The following SCML2 variants were observed in gnomAD, a reference collection of about 807,000 sequenced individuals.
SCML2 encodes Scm polycomb group protein like 2, also known as sex comb on midleg-like protein 2.
Under a neutral mutation model 48.4 loss-of-function variants are expected in SCML2, and 6 were observed. The ratio of observed to expected loss-of-function variants is 0.12; its 90% CI spans 0.07 to 0.24. The LOEUF (loss-of-function observed/expected upper bound fraction) is 0.24. SCML2 is among the 10% of genes least tolerant of loss of function. SCML2 has a pLI of 1.00. For synonymous variants in SCML2, 181 were observed against 189.5 expected (o/e 0.95, Z 0.37); for missense variants, 377 against 528.2 (o/e 0.71, Z 2.81).
intron 7 of SCML2, among the ~76,000 whole-genome samples, chrX:18,300,562 AG>A (rs1440815428): frequency 3.1e-4 from 34 of 111,224 alleles, no homozygotes; most frequent in African/African-American, 1.1e-3. Context: ...AGGCCAAGGC[AG>A]GTGGATCACC....
At position 18,247,824 on chromosome X, in the gene SCML2, T is replaced by C. The variant is rs199557606; in HGVS notation, c.1515A>G (p.Pro505=). The change falls in exon 12 of 15, where the codon CCA becomes CCG. Residue 505 remains proline, a synonymous_variant. Coordinates refer to ENST00000251900, the MANE Select transcript of SCML2 (RefSeq NM_006089.3). ...STKRSPQQTV[P]YVVPLSPKLP... ...GCTTAGGAGAGAGAGGAACAACATA[T>C]GGTACAGTTTGCTGAGGAGATCGTT... 236 of 1,209,486 alleles carry C rather than the reference T, an allele frequency of 2.0e-4. No homozygotes were observed. Among genetic ancestry groups the C allele is most frequent in the Admixed American group, 3.5e-4 (16 of 45,771 alleles).
At chrX:18,268,490 T>C (rs1308220471) in intron 7 of SCML2, among the ~76,000 whole-genome samples, 3 of 109,075 alleles carry the variant, frequency 2.8e-5, no homozygotes, top group South Asian at 4.1e-4. Context: ...GAATGCACCA[T>C]TGCACTCCAG....
At chrX:18,290,924 A>G (rs1216823508) in intron 7 of SCML2, among the ~76,000 whole-genome samples, 1 of 111,333 alleles carries the variant, frequency 9.0e-6, no homozygotes, top group East Asian at 2.8e-4. Flanking sequence ...ATATACTCCT[A>G]TAAGTATATA....
At chrX:18,245,840 A>G (rs1052593282) in intron 13 of SCML2, among the ~76,000 whole-genome samples, 15 of 111,858 alleles carry the variant, frequency 1.3e-4, no homozygotes, top group African/African-American at 4.9e-4. Context: ...CCCGGGTTCA[A>G]GTGATTCTCC....
intron 7 of SCML2, among the ~76,000 whole-genome samples, chrX:18,281,664 A>G (rs1321686008): frequency 1.9e-5 from 2 of 103,054 alleles, no homozygotes; most frequent in Non-Finnish European, 4.0e-5. Flanking sequence ...GTGAGCTGAG[A>G]TCGCACCACT....
intron 1 of SCML2, among the ~76,000 whole-genome samples, chrX:18,344,610 G>C (rs1930141075): frequency 9.0e-6 from 1 of 111,444 alleles, no homozygotes; most frequent in Non-Finnish European, 1.9e-5. Flanking sequence ...TAAGTCTCAG[G>C]AGATCTGATG....
chrX:18,310,576 TTTTA>T (rs1458345753), intron 6 of SCML2, among the ~76,000 whole-genome samples: 1 of 109,636 alleles, frequency 9.1e-6, no homozygotes, highest in Non-Finnish European at 1.9e-5. Context: ...TTTATATTTA[TTTTA>T]TTTATTTTTT....
chrX:18,316,112 A>T (rs140149051), intron 6 of SCML2, among the ~76,000 whole-genome samples: 1 of 112,387 alleles, frequency 8.9e-6, no homozygotes, highest in Non-Finnish European at 1.9e-5. Context: ...CAAAGGGCCA[A>T]GCACAGTGAT....
chrX:18,284,657 C>T (rs1251463838), intron 7 of SCML2, among the ~76,000 whole-genome samples: 1 of 112,428 alleles, frequency 8.9e-6, no homozygotes, highest in Non-Finnish European at 1.9e-5. Flanking sequence ...AAATGCTCAT[C>T]ATCACTAATT....
intron 7 of SCML2, among the ~76,000 whole-genome samples, chrX:18,276,479 T>C (rs1199293074): frequency 1.8e-5 from 2 of 111,253 alleles, no homozygotes; most frequent in African/African-American, 6.5e-5. Flanking sequence ...TGTATGTATG[T>C]ATTGACATAC....
intron 7 of SCML2, among the ~76,000 whole-genome samples, chrX:18,271,030 G>C (rs1368542335): frequency 9.0e-6 from 1 of 111,250 alleles, no homozygotes; most frequent in Non-Finnish European, 1.9e-5. Flanking sequence ...GATAATTATT[G>C]AATTGTGGAA....
chrX:18,243,155 C>T (rs760685366), intron 13 of SCML2, among the ~76,000 whole-genome samples: 73 of 111,431 alleles, frequency 6.6e-4, no homozygotes, highest in African/African-American at 2.0e-3. Context: ...CTCACTGCAG[C>T]GCTGACCTCC....
At position 18,304,863 on chromosome X, in the gene SCML2, G is replaced by A. The variant is rs1413099065; in HGVS notation, c.730+109C>T. 4 of 890,341 alleles carry A rather than the reference G, an allele frequency of 4.5e-6. No individual in the cohort carries two copies. The African/African-American group carries it at 6.0e-5, about 13-fold the overall frequency. The allele number at this position is 890,341 out of a possible 1,213,427, so 73.4% of individuals were successfully genotyped here. A position where few individuals can be genotyped will look rare whatever the true frequency, so the allele number is the denominator to read the frequency against. On this transcript the variant is annotated intron_variant, in intron 7 of 14. Coordinates refer to ENST00000251900, the MANE Select transcript of SCML2 (RefSeq NM_006089.3). ...CAGCGCTTTGTTCTGTCTGCCACCA[G>A]TTGGGGCATGTACCACCTGGTACCA...
intron 7 of SCML2, among the ~76,000 whole-genome samples, chrX:18,267,321 T>C (rs1433408227): frequency 9.0e-6 from 1 of 111,687 alleles, no homozygotes; most frequent in Non-Finnish European, 1.9e-5. Context: ...AGCTTTCTTC[T>C]GGCTTTGCTT....
intron 11 of SCML2, among the ~76,000 whole-genome samples, chrX:18,248,746 T>C (rs1926540473): frequency 8.9e-6 from 1 of 112,376 alleles, no homozygotes; most frequent in Non-Finnish European, 1.9e-5. Flanking sequence ...AATTAAGACA[T>C]TAAATTCTAA....
At chrX:18,248,986 G>A (rs1039344898) in intron 11 of SCML2, among the ~76,000 whole-genome samples, 3 of 111,370 alleles carry the variant, frequency 2.7e-5, no homozygotes, top group South Asian at 3.8e-4. Context: ...CTGCTTCTGC[G>A]TATTGTAGTA....
intron 6 of SCML2, among the ~76,000 whole-genome samples, chrX:18,317,555 G>A (rs953348062): frequency 8.9e-5 from 10 of 111,828 alleles, no homozygotes; most frequent in African/African-American, 2.6e-4. Flanking sequence ...AAGAAAGGCC[G>A]GGCGCGGTGG....
At chrX:18,286,795 T>A (rs1377973840) in intron 7 of SCML2, among the ~76,000 whole-genome samples, 2 of 111,415 alleles carry the variant, frequency 1.8e-5, no homozygotes, top group African/African-American at 6.5e-5. Context: ...CCTCCCTTCA[T>A]TTTCAAAGAT....
chrX:18,342,398 T>C (rs997942960), intron 1 of SCML2, among the ~76,000 whole-genome samples: 11 of 109,864 alleles, frequency 1.0e-4, no homozygotes, highest in Non-Finnish European at 2.1e-4. Flanking sequence ...GCGCCTGACA[T>C]TGAAATTTCA....
Sources: allele counts gnomAD v4.1 joint callset (sites outside exome capture counted in the v4.1 genomes callset), GRCh38; gene constraint gnomAD v4.1.1; transcripts MANE v1.5; gene names NCBI Gene and HGNC (gene_info 2026-07-23, HGNC 2026-07-21).